The following MYO5B variants were observed in gnomAD, a reference collection of about 807,000 sequenced individuals.
MYO5B encodes myosin VB.
Under a neutral mutation model 229.3 loss-of-function variants are expected in MYO5B, and 143 were observed. That is an observed-to-expected ratio of 0.62 (90% CI 0.54 to 0.72). The LOEUF (loss-of-function observed/expected upper bound fraction) is 0.72. Among genes scored for constraint, MYO5B ranks in the 30% least tolerant of loss-of-function variants. The pLI, the probability that MYO5B is intolerant of heterozygous loss-of-function variation, is 0.00. For missense variants in MYO5B, 2,321 were observed against 2,331.0 expected (o/e 1.00, Z 0.09); for synonymous variants, 918 against 885.2 (o/e 1.04, Z -0.66).
chr18:50,194,772 T>A lies in MYO5B; in HGVS notation c.22A>T (p.Ser8Cys), dbSNP rs1161647893. 4.2e-5 allele frequency: 62 copies of A among 1,467,654 alleles called. No homozygotes were observed. The highest frequency in any genetic ancestry group is 5.1e-5 in the Non-Finnish European group (57 of 1,113,968). The allele number at this position is 1,467,654 out of a possible 1,614,324, so 90.9% of individuals were successfully genotyped here. Residue 8 changes from serine to cysteine, a missense_variant, in exon 1 of 40, where the codon AGC becomes TGC. Around this residue, in one of 2 missense-constraint regions of MYO5B, gnomAD observed 2,113 missense variants for 2,044.7 expected, o/e 1.03. Transcript: ENST00000285039. ...TCCCTCGCGGCCGCGCTCACCTGGC[T>A]GTAGAGCTCGCCCACCGACATGGCC... MSVGELY[S>C]QCTRVWIPDP...
chr18:50,119,849 A>T (rs1335284935), intron 1 of MYO5B, among the ~76,000 whole-genome samples: 1 of 152,212 alleles, frequency 6.6e-6, no homozygotes, highest in Non-Finnish European at 1.5e-5. Context: ...AAAAAAAATT[A>T]GTTTGCTGTG....
intron 22 of MYO5B, among the ~76,000 whole-genome samples, chr18:49,886,817 GGCCCCTA>G (rs2024647755): frequency 1.3e-5 from 2 of 151,954 alleles, no homozygotes; most frequent in South Asian, 4.2e-4. Flanking sequence ...GCCTAGTTCT[GGCCCCTA>G]GTATGACACA....
intron 12 of MYO5B, among the ~76,000 whole-genome samples, chr18:49,958,140 C>T (rs1357107349): frequency 6.6e-6 from 1 of 152,230 alleles, no homozygotes; most frequent in East Asian, 1.9e-4. Flanking sequence ...GATGAGACCA[C>T]ACATCAACTC....
rs2025579803 is a variant in MYO5B, at chr18:49,963,105, C to A, written c.1323-75G>T. On this transcript the variant is annotated intron_variant, in intron 10 of 39. Transcript: ENST00000285039. ...TCACTGGGACTTCAACAAAGCTGCT[C>A]TGACCCAGGTCTCCCCCGATGCCAC... The A allele has an allele frequency of 4.1e-6, 5 of 1,208,034 alleles. No homozygotes were observed. In the South Asian group the frequency reaches 6.0e-5, roughly 15 times the overall value. 74.8% of individuals were successfully genotyped at this position (1,208,034 alleles called of 1,614,324 possible).
rs190805448 is a variant in MYO5B at position 49,983,477 on chromosome 18, A to T, written c.946+1241T>A. On this transcript the variant is annotated intron_variant, in intron 8 of 39. Transcript: ENST00000285039. The stretch of plus-strand genomic sequence containing the variant: ...CTGCATCCTCTGGGCAAGTTTCTTC[A>T]TCACATCCTCTTAGAAGTGAACTAA... Among the ~76,000 whole-genome samples the T allele has an allele frequency of 4.1e-3, 617 of 152,246 alleles. 2 individuals carry two copies. Among genetic ancestry groups the T allele is most frequent in the Non-Finnish European group, 6.8e-3 (463 of 68,014 alleles).
chr18:49,830,532 AC>A (rs2144019913), intron 39 of MYO5B, among the ~76,000 whole-genome samples: 1 of 152,302 alleles, frequency 6.6e-6, no homozygotes, highest in East Asian at 1.9e-4. Flanking sequence ...AGGGATCTTG[AC>A]TAGCCAAAGC....
intron 1 of MYO5B, among the ~76,000 whole-genome samples, chr18:50,089,051 A>C (rs2031390935): frequency 1.3e-5 from 2 of 152,178 alleles, no homozygotes; most frequent in African/African-American, 4.8e-5. Context: ...GTTTCCTTTA[A>C]GTACCATTTT....
chr18:50,167,408 C>T (rs538241741), intron 1 of MYO5B, among the ~76,000 whole-genome samples: 3 of 152,236 alleles, frequency 2.0e-5, no homozygotes, highest in African/African-American at 4.8e-5. Flanking sequence ...TATAAAGGAC[C>T]GACATTTGTT....
chr18:50,049,189 TTCA>T (rs2030325796), intron 2 of MYO5B, among the ~76,000 whole-genome samples: 1 of 152,204 alleles, frequency 6.6e-6, no homozygotes, highest in Non-Finnish European at 1.5e-5. Flanking sequence ...ATTGTATATT[TTCA>T]TCATAAGTTG....
intron 28 of MYO5B, 25 bp from the exon 29 acceptor site, chr18:49,863,352 A>G (rs1457217180): frequency 6.3e-7 from 1 of 1,599,298 alleles, no homozygotes; most frequent in East Asian, 2.2e-5. Flanking sequence ...ATAAAAAAAT[A>G]ACTCTGGTTA....
intron 22 of MYO5B, among the ~76,000 whole-genome samples, chr18:49,888,578 C>G (rs1027637950): frequency 6.6e-6 from 1 of 152,180 alleles, no homozygotes; most frequent in African/African-American, 2.4e-5. Flanking sequence ...AGCACGGGCA[C>G]TGAGAAAAGT....
intron 33 of MYO5B, among the ~76,000 whole-genome samples, chr18:49,844,819 T>A (rs973023798): frequency 2.0e-5 from 3 of 152,258 alleles, no homozygotes; most frequent in African/African-American, 7.2e-5. Flanking sequence ...GAATGTTCTA[T>A]TGTGATTAAA....
chr18:50,114,510 T>C (rs781677326), intron 1 of MYO5B, among the ~76,000 whole-genome samples: 18 of 152,212 alleles, frequency 1.2e-4, no homozygotes, highest in Non-Finnish European at 2.4e-4. Flanking sequence ...TGCCTTCTAA[T>C]TAAGAGGTAA....
chr18:50,001,168 G>A lies in MYO5B; in HGVS notation c.612+87C>T. The A allele has an allele frequency of 5.8e-6, 9 of 1,551,534 alleles. No homozygotes were observed. The East Asian group carries it at 2.0e-4, about 35-fold the overall frequency. On this transcript the variant is annotated intron_variant, in intron 5 of 39. Transcript: ENST00000285039. The stretch of plus-strand genomic sequence containing the variant: ...AGGGCTCTCAGGGAGAGGCGTGAAG[G>A]CTGCCACCCAGGCTTGACGCCCAGC...
intron 1 of MYO5B, among the ~76,000 whole-genome samples, chr18:50,160,928 C>T: frequency 6.6e-6 from 1 of 152,138 alleles, no homozygotes; most frequent in Non-Finnish European, 1.5e-5. Flanking sequence ...CTCAGAAAAG[C>T]CCTGAAACAC....
chr18:49,943,077 A>G (rs373916613), intron 14 of MYO5B, among the ~76,000 whole-genome samples: 5 of 152,058 alleles, frequency 3.3e-5, no homozygotes, highest in East Asian at 1.9e-4. Context: ...GGACATGGAT[A>G]AAGCTGGAAA....
intron 2 of MYO5B, among the ~76,000 whole-genome samples, chr18:50,046,352 G>C (rs936309998): frequency 8.5e-5 from 13 of 152,194 alleles, no homozygotes; most frequent in Non-Finnish European, 1.6e-4. Context: ...CCAGGGGTTT[G>C]TAATGCACAG....
intron 1 of MYO5B, among the ~76,000 whole-genome samples, chr18:50,145,812 G>GA (rs912534005): frequency 2.1e-4 from 32 of 152,174 alleles, no homozygotes; most frequent in African/African-American, 7.7e-4. Context: ...AAGTATATCA[G>GA]AAAAAATGGA....
intron 39 of MYO5B, among the ~76,000 whole-genome samples, chr18:49,828,679 T>G (rs2023877584): frequency 6.6e-6 from 1 of 152,208 alleles, no homozygotes; most frequent in Non-Finnish European, 1.5e-5. Context: ...TGAATAAATT[T>G]AAAAATATTA....
Sources: gnomAD v4.1 joint callset for allele counts (sites outside exome capture counted in the v4.1 genomes callset) on GRCh38, gnomAD v4.1.1 for gene constraint, gnomAD v4.1.1 regional missense constraint, MANE v1.5 for transcripts, NCBI Gene and HGNC (gene_info 2026-07-23, HGNC 2026-07-21) for gene names.